Variants in RFTN1 observed in about 807,000 individuals in gnomAD.
RFTN1 encodes raftlin, lipid raft linker 1.
A neutral mutation model predicts 46.5 loss-of-function variants in RFTN1; 26 were observed. The ratio of observed to expected loss-of-function variants is 0.56; its 90% CI spans 0.41 to 0.78. The LOEUF (loss-of-function observed/expected upper bound fraction) is 0.78. Among genes scored for constraint, RFTN1 ranks in the 30% least tolerant of loss-of-function variants. RFTN1 has a pLI of 0.00. For synonymous variants in RFTN1, 261 were observed against 284.2 expected (o/e 0.92, Z 0.82); for missense variants, 693 against 718.7 (o/e 0.96, Z 0.41).
Position 16,440,275 on chromosome 3 carries a change from G to T in RFTN1, c.146-6238C>A, listed in dbSNP as rs976870297. Among the ~76,000 whole-genome samples, 2 of 152,182 alleles carry T rather than the reference G, an allele frequency of 1.3e-5. No homozygotes were observed. Among genetic ancestry groups the T allele is most frequent in the African/African-American group, 4.8e-5 (2 of 41,442 alleles). The stretch of plus-strand genomic sequence containing the variant: ...GTGCTCCCACACTGCCACAATCTTG[G>T]CTCACTGAAACCTCCGCCTTCTGGA... On this transcript the variant is annotated intron_variant, in intron 2 of 9. Coordinates refer to ENST00000334133, the MANE Select transcript of RFTN1 (RefSeq NM_015150.2). The surrounding 1 kb of genome is among the most constrained non-coding windows in gnomAD (Gnocchi z 4.6).
chr3:16,372,119 G>A (rs937464008), intron 5 of RFTN1, among the ~76,000 whole-genome samples: 3 of 152,180 alleles, frequency 2.0e-5, no homozygotes, highest in African/African-American at 7.2e-5. Flanking sequence ...GACCCTGCAA[G>A]CTTTCCTGTG....
intron 5 of RFTN1, among the ~76,000 whole-genome samples, chr3:16,372,232 G>A (rs2073542929): frequency 2.0e-5 from 3 of 152,186 alleles, no homozygotes; most frequent in South Asian, 2.1e-4. Flanking sequence ...GTGCACTGAA[G>A]AGCATGTTAC....
chr3:16,321,066 T>C lies in RFTN1; in HGVS notation c.1332+2310A>G, dbSNP rs564617945. The stretch of plus-strand genomic sequence containing the variant: ...AACACAGATGGGTCTTAAGGATAGA[T>C]TGAATATAGGGGAAGGAGAGGGGAG... On this transcript the variant is annotated intron_variant, in intron 9 of 9. Transcript: ENST00000334133. The surrounding 1 kb of genome is among the most constrained non-coding windows in gnomAD (Gnocchi z 4.8). Among the ~76,000 whole-genome samples, 3 of 151,872 alleles carry C rather than the reference T, an allele frequency of 2.0e-5. No individual in the cohort carries two copies. The highest frequency in any genetic ancestry group is 4.2e-4 in the South Asian group (2 of 4,800).
chr3:16,391,639 G>A (rs1405480437), intron 4 of RFTN1, among the ~76,000 whole-genome samples: 1 of 152,150 alleles, frequency 6.6e-6, no homozygotes, highest in Admixed American at 6.5e-5. Context: ...CACTGCCATA[G>A]TGGATGAAGA....
intron 6 of RFTN1, among the ~76,000 whole-genome samples, chr3:16,358,829 C>T (rs779745421): frequency 2.6e-5 from 4 of 151,874 alleles, no homozygotes; most frequent in South Asian, 2.1e-4. Context: ...CTCAGGAGTT[C>T]GAGACCAGCC....
chr3:16,415,430 T>TATATATATATATATATACACACACACAC, intron 3 of RFTN1, among the ~76,000 whole-genome samples: 17 of 114,338 alleles, frequency 1.5e-4, no homozygotes, highest in Admixed American at 3.0e-4. Context: ...TATATATATA[T>TATATATATATATATATACACACACACAC]ACACACACAC....
At position 16,323,464 on chromosome 3, in the gene RFTN1, C is replaced by T. The variant is rs994871775; in HGVS notation, c.1251-7G>A. 6.2e-7 allele frequency: 1 copy of T among 1,608,268 alleles called. No individual in the cohort carries two copies. Among genetic ancestry groups the T allele is most frequent in the Non-Finnish European group, 8.5e-7 (1 of 1,175,234 alleles). On this transcript the variant is annotated splice_polypyrimidine_tract_variant and splice_region_variant and intron_variant, in intron 8 of 9. Transcript: ENST00000334133. ...GGTGGATACACTCCCCTCGCTGTAA[C>T]ACACGGAGCTGAGAATGAGCCACTT...
chr3:16,392,983 A>G (rs1011242937), intron 4 of RFTN1, among the ~76,000 whole-genome samples: 1 of 152,214 alleles, frequency 6.6e-6, no homozygotes, highest in African/African-American at 2.4e-5. Context: ...AGCCTTGGAA[A>G]CACACAGGCT....
chr3:16,477,519 A>T (rs2076301667), intron 2 of RFTN1, among the ~76,000 whole-genome samples: 1 of 152,252 alleles, frequency 6.6e-6, no homozygotes, highest in Admixed American at 6.5e-5. Flanking sequence ...CTAGTTTAAA[A>T]AAAGAAAAGA....
chr3:16,508,787 A>T (rs530222706), intron 1 of RFTN1, among the ~76,000 whole-genome samples: 1 of 152,064 alleles, frequency 6.6e-6, no homozygotes, highest in African/African-American at 2.4e-5. Context: ...AGTGAAAAAT[A>T]GCAGAAGCCC....
chr3:16,411,493 A>G lies in RFTN1; in HGVS notation c.333-2010T>C, dbSNP rs779540228. On this transcript the variant is annotated intron_variant, in intron 3 of 9. Transcript: ENST00000334133. ...TAGGGTACTGTGGCGCATACATTCA[A>G]AATGTAAAACAATAAACTGATTTCA... Among the ~76,000 whole-genome samples the G allele has an allele frequency of 1.2e-4, 19 of 152,218 alleles. 1 individual carries two copies. Among genetic ancestry groups the G allele is most frequent in the Non-Finnish European group, 2.6e-4 (18 of 68,040 alleles).
chr3:16,375,067 A>AT (rs1013838474), intron 5 of RFTN1, among the ~76,000 whole-genome samples: 7 of 152,080 alleles, frequency 4.6e-5, no homozygotes, highest in African/African-American at 1.2e-4. Flanking sequence ...CTCCCTCTGG[A>AT]TTTTTTTTAA....
In RFTN1 at chr3:16,336,454, G is replaced by A. The variant is rs955396845; in HGVS notation, c.1147-9578C>T. On this transcript the variant is annotated intron_variant, in intron 7 of 9. Transcript: ENST00000334133. This position sits in a 1 kb window ranked among gnomAD's most constrained non-coding sequence, Gnocchi z 6.0. ...AAAGCCCTCTGCAGCCAGCACAGCT[G>A]GCCTTCCTCACCCTCAGCCTCCCAG... is the stretch of plus-strand genomic sequence containing the variant. Among the ~76,000 whole-genome samples the A allele has an allele frequency of 2.0e-5, 3 of 152,192 alleles. No individual in the cohort carries two copies. Among genetic ancestry groups the A allele is most frequent in the Non-Finnish European group, 4.4e-5 (3 of 68,034 alleles).
intron 2 of RFTN1, among the ~76,000 whole-genome samples, chr3:16,461,729 T>A (rs2076010814): frequency 6.6e-6 from 1 of 152,220 alleles, no homozygotes; most frequent in Non-Finnish European, 1.5e-5. Flanking sequence ...CCTGAGTAAT[T>A]ACTTCAATTC....
At chr3:16,445,483 T>TCTCTCTCTCACACACACACA (rs1352210263) in intron 2 of RFTN1, among the ~76,000 whole-genome samples, 16 of 126,852 alleles carry the variant, frequency 1.3e-4, no homozygotes, top group African/African-American at 4.6e-4. Flanking sequence ...TCTCTCTCTC[T>TCTCTCTCTCACACACACACA]CACACACACA....
At position 16,380,481 on chromosome 3, in the gene RFTN1, G is replaced by A. The variant is rs1376575057; in HGVS notation, c.442-2379C>T. On this transcript the variant is annotated intron_variant, in intron 4 of 9. Transcript: ENST00000334133. This position sits in a 1 kb window ranked among gnomAD's most constrained non-coding sequence, Gnocchi z 4.8. Reference sequence around the variant, plus strand: ...GGACTGGAGGAATTGGAGAGGCTTGGACACAGACACCTGCCCTTCTCCCAC... The same window carrying A: ...GGACTGGAGGAATTGGAGAGGCTTGAACACAGACACCTGCCCTTCTCCCAC... Among the ~76,000 whole-genome samples the A allele has an allele frequency of 6.6e-6, 1 of 152,126 alleles. No individual in the cohort carries two copies. The highest frequency in any genetic ancestry group is 1.9e-4 in the East Asian group (1 of 5,186).
In RFTN1 at chr3:16,397,973, G is replaced by A. The variant is rs182529509; in HGVS notation, c.441+11402C>T. 6.6e-4 allele frequency among the ~76,000 whole-genome samples: 101 copies of A among 152,254 alleles called. 1 individual carries two copies. Among genetic ancestry groups the A allele is most frequent in the Admixed American group, 5.6e-3 (86 of 15,288 alleles). ...TTTTAAGAAGCATCATGGGCCGGGC[G>A]CGGTGGCTCACGCCTATAATCCCAG... is the stretch of plus-strand genomic sequence containing the variant. On this transcript the variant is annotated intron_variant, in intron 4 of 9. Coordinates refer to ENST00000334133, the MANE Select transcript of RFTN1 (RefSeq NM_015150.2).
chr3:16,359,381 GTGAC>G (rs1382353025), intron 6 of RFTN1, among the ~76,000 whole-genome samples: 1 of 152,182 alleles, frequency 6.6e-6, no homozygotes, highest in African/African-American at 2.4e-5. Context: ...AACCCACAAT[GTGAC>G]TATATTTGGA....
At chr3:16,343,972 G>A (rs192383847) in intron 7 of RFTN1, among the ~76,000 whole-genome samples, 39 of 150,290 alleles carry the variant, frequency 2.6e-4, no homozygotes, top group African/African-American at 9.3e-4. Flanking sequence ...GTGAAGATCT[G>A]AGGTGGAGCA....
Sources: gnomAD v4.1 joint callset for allele counts (sites outside exome capture counted in the v4.1 genomes callset) on GRCh38, gnomAD v4.1.1 for gene constraint, Gnocchi (gnomAD v3.1) non-coding constraint, MANE v1.5 for transcripts, NCBI Gene and HGNC (gene_info 2026-07-23, HGNC 2026-07-21) for gene names.